The following NEK1 variants were observed in gnomAD, a reference collection of about 807,000 sequenced individuals.
The protein encoded by NEK1 is serine/threonine-protein kinase Nek1.
A neutral mutation model predicts 182.1 loss-of-function variants in NEK1; 137 were observed. That is an observed-to-expected ratio of 0.75 (90% CI 0.65 to 0.87). The LOEUF (loss-of-function observed/expected upper bound fraction) is 0.87. Among genes scored for constraint, NEK1 ranks in the 40% least tolerant of loss-of-function variants. NEK1 has a pLI of 0.00. For synonymous variants in NEK1, 513 were observed against 492.2 expected (o/e 1.04, Z -0.56); for missense variants, 1,391 against 1,494.4 (o/e 0.93, Z 1.14).
intron 31 of NEK1, among the ~76,000 whole-genome samples, chr4:169,411,170 G>T (rs1733606378): frequency 6.6e-6 from 1 of 152,150 alleles, no homozygotes; most frequent in Non-Finnish European, 1.5e-5. Flanking sequence ...AGATTCCAAG[G>T]ACTAGTCACA....
At chr4:169,439,845 C>CTTTTTTT (rs33985502) in intron 27 of NEK1, among the ~76,000 whole-genome samples, 3 of 116,384 alleles carry the variant, frequency 2.6e-5, no homozygotes, top group Admixed American at 8.8e-5. Context: ...GTTAGGGTAT[C>CTTTTTTT]TTTTTTTTTT....
At chr4:169,581,360 T>G (rs1161429235) in intron 10 of NEK1, among the ~76,000 whole-genome samples, 1 of 152,038 alleles carries the variant, frequency 6.6e-6, no homozygotes, top group African/African-American at 2.4e-5. Context: ...CTTGACCTCC[T>G]AGGCTCAAGC....
rs138911560 is a variant in NEK1 at position 169,442,455 on chromosome 4, C to A, written c.2588-4196G>T. On this transcript the variant is annotated intron_variant, in intron 27 of 35. Transcript: ENST00000507142. ...ATATACGGGAAAAAGTCTTTGCCTA[C>A]GAAAGTCAATCCGTAAAATCGGAAG... 4.7e-3 allele frequency among the ~76,000 whole-genome samples: 718 copies of A among 152,026 alleles called. 3 individuals carry two copies. The highest frequency in any genetic ancestry group is 0.016 in the African/African-American group (664 of 41,484).
intron 23 of NEK1, among the ~76,000 whole-genome samples, chr4:169,492,539 G>A (rs1004374050): frequency 3.5e-4 from 53 of 152,218 alleles, no homozygotes; most frequent in African/African-American, 1.2e-3. Flanking sequence ...CAACACTATC[G>A]GTGGCGATTA....
chr4:169,514,252 T>G (rs774324217), intron 19 of NEK1, among the ~76,000 whole-genome samples: 1 of 152,116 alleles, frequency 6.6e-6, no homozygotes, highest in Non-Finnish European at 1.5e-5. Context: ...CCTCCCAAAG[T>G]GCTGGGATTA....
At chr4:169,428,254 A>T (rs926713937) in intron 29 of NEK1, among the ~76,000 whole-genome samples, 4 of 151,124 alleles carry the variant, frequency 2.6e-5, no homozygotes, top group African/African-American at 4.9e-5. Flanking sequence ...ACTCAAACAG[A>T]TACTGTGTGT....
chr4:169,597,298 A>T (rs924215218), intron 5 of NEK1, among the ~76,000 whole-genome samples: 4 of 152,180 alleles, frequency 2.6e-5, no homozygotes, highest in African/African-American at 9.7e-5. Flanking sequence ...TGATAAGTAG[A>T]GCAAGAACTC....
chr4:169,396,393 A>AAAAAAAAAAAAAAAC (rs1730716992), intron 35 of NEK1, among the ~76,000 whole-genome samples: 1 of 144,046 alleles, frequency 6.9e-6, no homozygotes, highest in Non-Finnish European at 1.5e-5. Context: ...AAAAAAAAAA[A>AAAAAAAAAAAAAAAC]AAAGAAGAAT....
intron 23 of NEK1, among the ~76,000 whole-genome samples, chr4:169,487,827 T>C (rs1749320044): frequency 6.6e-6 from 1 of 152,120 alleles, no homozygotes; most frequent in South Asian, 2.1e-4. Context: ...CAGCATCTGT[T>C]GTTTCTTGAT....
At chr4:169,406,845 G>A in intron 31 of NEK1, 98 bp from the exon 32 acceptor site, 1 of 923,996 alleles carries the variant, frequency 1.1e-6, no homozygotes, top group South Asian at 1.9e-5. Flanking sequence ...TTACATATGT[G>A]TAAAATGTAA....
intron 27 of NEK1, among the ~76,000 whole-genome samples, chr4:169,444,932 A>G (rs896005432): frequency 3.9e-5 from 6 of 152,212 alleles, no homozygotes; most frequent in African/African-American, 1.4e-4. Flanking sequence ...AAAACTAGAA[A>G]TCAATCACGA....
intron 26 of NEK1, among the ~76,000 whole-genome samples, chr4:169,474,427 A>T (rs1376809332): frequency 6.6e-6 from 1 of 152,196 alleles, no homozygotes; most frequent in Non-Finnish European, 1.5e-5. Flanking sequence ...ACCAAGTAAT[A>T]CCATCTTACC....
rs1476503422 is a variant in NEK1 at position 169,431,843 on chromosome 4, T to G, written c.2885+1702A>C. Among the ~76,000 whole-genome samples, 7 of 151,712 alleles carry G rather than the reference T, an allele frequency of 4.6e-5. No homozygotes were observed. The East Asian group carries it at 1.2e-3, about 25-fold the overall frequency. On this transcript the variant is annotated intron_variant, in intron 29 of 35. Coordinates refer to ENST00000507142, the MANE Select transcript of NEK1 (RefSeq NM_001199397.3). ...TTGGTAATCTTAGAAAGAACAAGGC[T>G]GTTCTGAGTAACTATCAAAGCTCAG... is the stretch of plus-strand genomic sequence containing the variant.
chr4:169,583,750 G>A (rs764313061), intron 10 of NEK1, among the ~76,000 whole-genome samples: 6 of 152,284 alleles, frequency 3.9e-5, no homozygotes, highest in East Asian at 1.9e-4. Context: ...CCTCGCAAAC[G>A]TTATTTATAA....
intron 23 of NEK1, 25 bp downstream of exon 23, chr4:169,507,012 A>C: frequency 6.6e-7 from 1 of 1,510,482 alleles, no homozygotes. Context: ...TACAACCAGG[A>C]TTAAGAATAT....
chr4:169,439,947 A>G (rs1739129590), intron 27 of NEK1, among the ~76,000 whole-genome samples: 3 of 150,978 alleles, frequency 2.0e-5, no homozygotes, highest in African/African-American at 7.3e-5. Context: ...CCCGGGTTCA[A>G]GCAATTCTCC....
chr4:169,509,785 T>C (rs1243735354), intron 19 of NEK1, among the ~76,000 whole-genome samples: 1 of 152,078 alleles, frequency 6.6e-6, no homozygotes, highest in African/African-American at 2.4e-5. Context: ...ATAAAGAAAA[T>C]GTGAATCATT....
intron 23 of NEK1, among the ~76,000 whole-genome samples, chr4:169,498,755 A>C (rs1412509375): frequency 1.3e-5 from 2 of 152,164 alleles, no homozygotes; most frequent in Non-Finnish European, 2.9e-5. Context: ...TGGCTTGTAG[A>C]GTTTCTGCCT....
intron 35 of NEK1, among the ~76,000 whole-genome samples, chr4:169,399,343 GA>G (rs1236538158): frequency 3.3e-5 from 5 of 151,874 alleles, no homozygotes; most frequent in Admixed American, 3.3e-4. Flanking sequence ...TTGGGAGGCT[GA>G]GGTGTGTGGA....
Sources: allele counts gnomAD v4.1 joint callset (sites outside exome capture counted in the v4.1 genomes callset), GRCh38; gene constraint gnomAD v4.1.1; transcripts MANE v1.5; gene names NCBI Gene and HGNC (gene_info 2026-07-23, HGNC 2026-07-21).